Variants in PCED1B observed in about 807,000 individuals in gnomAD.
PCED1B encodes PC-esterase domain containing 1B.
For missense variants in PCED1B, 573 were observed against 573.9 expected (o/e 1.00, Z 0.02); for synonymous variants, 251 against 246.1 (o/e 1.02, Z -0.19).
At chr12:47,210,979 T>C (rs2137764454) in intron 2 of PCED1B, among the ~76,000 whole-genome samples, 1 of 152,254 alleles carries the variant, frequency 6.6e-6, no homozygotes, top group Non-Finnish European at 1.5e-5. Flanking sequence ...AATGATGCAA[T>C]ATGGGCCAAT....
At chr12:47,224,937 G>C (rs1268184982) in intron 3 of PCED1B, among the ~76,000 whole-genome samples, 1 of 151,978 alleles carries the variant, frequency 6.6e-6, no homozygotes, top group Non-Finnish European at 1.5e-5. Context: ...TTTCTTTTTC[G>C]TTTTCTTTTT....
chr12:47,220,082 A>AG (rs1555155802), intron 3 of PCED1B, among the ~76,000 whole-genome samples: 1 of 104,412 alleles, frequency 9.6e-6, no homozygotes, highest in African/African-American at 3.2e-5. Flanking sequence ...AAAAAAAAAA[A>AG]AAAAAAAAGA....
intron 3 of PCED1B, among the ~76,000 whole-genome samples, chr12:47,223,017 G>A (rs887214946): frequency 1.3e-5 from 2 of 152,098 alleles, no homozygotes; most frequent in East Asian, 3.9e-4. Flanking sequence ...TCTGAAAATG[G>A]GTGGACACAC....
At chr12:47,228,145 G>A (rs189344726) in intron 3 of PCED1B, among the ~76,000 whole-genome samples, 7 of 150,166 alleles carry the variant, frequency 4.7e-5, no homozygotes, top group African/African-American at 9.8e-5. Flanking sequence ...AGCAATTCTC[G>A]TGCCTCAGCC....
In PCED1B at chr12:47,224,044, C is replaced by G. The variant is rs551507077; in HGVS notation, c.-58+7355C>G. 2.0e-5 allele frequency: 3 copies of G among 152,310 alleles called. No homozygotes were observed. The South Asian group carries it at 6.2e-4, about 32-fold the overall frequency. The allele number at this position is 152,310 out of a possible 1,614,324, so 9.4% of individuals were successfully genotyped here. A position where few individuals can be genotyped will look rare whatever the true frequency, so the allele number is the denominator to read the frequency against. On this transcript the variant is annotated intron_variant, in intron 3 of 3. Transcript: ENST00000546455. The stretch of plus-strand genomic sequence containing the variant: ...AAGCCAGATCACCACCTTCTGGTAT[C>G]TTTCATTTGTGTTAAAGGGGTAATA...
At chr12:47,135,507 C>A in intron 2 of PCED1B, 1 of 479,406 alleles carries the variant, frequency 2.1e-6, no homozygotes, top group Admixed American at 2.3e-5. Context: ...CTTGGAAGAT[C>A]AGCACTGAGA....
chr12:47,150,055 A>G (rs553602053), intron 2 of PCED1B, among the ~76,000 whole-genome samples: 95 of 152,348 alleles, frequency 6.2e-4, no homozygotes, highest in Admixed American at 3.6e-3. Context: ...TAATTTCACA[A>G]TATACCTATG....
chr12:47,233,298 C>T (rs1301443849), intron 3 of PCED1B, among the ~76,000 whole-genome samples: 5 of 152,164 alleles, frequency 3.3e-5, no homozygotes, highest in Admixed American at 6.6e-5. Flanking sequence ...TCCGCCACCA[C>T]GCCCGGCTAA....
chr12:47,181,102 G>T (rs1942080890), intron 2 of PCED1B, among the ~76,000 whole-genome samples: 1 of 151,622 alleles, frequency 6.6e-6, no homozygotes, highest in African/African-American at 2.4e-5. Flanking sequence ...CCCCACCTCA[G>T]CCTCCTGGGT....
intron 2 of PCED1B, 104 bp downstream of exon 2, chr12:47,104,299 C>T (rs1050609035): frequency 6.6e-6 from 1 of 152,234 alleles, no homozygotes; most frequent in African/African-American, 2.4e-5. Context: ...GGGCTGTACT[C>T]TGACACTTAG....
intron 3 of PCED1B, among the ~76,000 whole-genome samples, chr12:47,225,152 G>A (rs712103): frequency 0.13 from 19,578 of 152,056 alleles, 1,321 homozygotes; most frequent in African/African-American, 0.16. Flanking sequence ...CGTTGGTCTC[G>A]AACTCCTGAT....
At chr12:47,167,940 A>G (rs1396233405) in intron 2 of PCED1B, among the ~76,000 whole-genome samples, 1 of 152,162 alleles carries the variant, frequency 6.6e-6, no homozygotes, top group African/African-American at 2.4e-5. Flanking sequence ...TGATGAGGGA[A>G]GGTGGTCGGG....
intron 3 of PCED1B, among the ~76,000 whole-genome samples, chr12:47,218,855 C>G (rs1469636949): frequency 1.3e-5 from 2 of 151,764 alleles, no homozygotes; most frequent in East Asian, 3.9e-4. Context: ...ATAGATCGGC[C>G]GCCTGTGGAA....
chr12:47,102,405 A>T (rs1163827319), intron 1 of PCED1B, among the ~76,000 whole-genome samples: 1 of 152,228 alleles, frequency 6.6e-6, no homozygotes, highest in African/African-American at 2.4e-5. Flanking sequence ...AAAGATAATA[A>T]ACTACATTCC....
intron 2 of PCED1B, among the ~76,000 whole-genome samples, chr12:47,170,383 C>G (rs1227847060): frequency 6.6e-6 from 1 of 152,216 alleles, no homozygotes; most frequent in Non-Finnish European, 1.5e-5. Context: ...GTCATCATGG[C>G]CCGTTCTCAA....
intron 2 of PCED1B, among the ~76,000 whole-genome samples, chr12:47,188,051 G>A (rs1485710400): frequency 6.6e-6 from 1 of 152,122 alleles, no homozygotes; most frequent in East Asian, 1.9e-4. Context: ...TTACCTGGAA[G>A]CACCTCTTCC....
chr12:47,149,602 A>T (rs1940916164), intron 2 of PCED1B, among the ~76,000 whole-genome samples: 1 of 152,202 alleles, frequency 6.6e-6, no homozygotes, highest in Non-Finnish European at 1.5e-5. Context: ...AGTTAGGAGG[A>T]GTATCACAAT....
intron 2 of PCED1B, among the ~76,000 whole-genome samples, chr12:47,175,071 C>A (rs768733145): frequency 3.9e-5 from 6 of 152,038 alleles, no homozygotes; most frequent in African/African-American, 9.7e-5. Flanking sequence ...TTTTTAAACA[C>A]CCTTATAATA....
intron 2 of PCED1B, among the ~76,000 whole-genome samples, chr12:47,179,252 A>C (rs1202753520): frequency 1.3e-5 from 2 of 152,210 alleles, no homozygotes; most frequent in Non-Finnish European, 2.9e-5. Context: ...GTTTCAATTA[A>C]GAAAACTAAT....
Sources: gnomAD v4.1 joint callset for allele counts (sites outside exome capture counted in the v4.1 genomes callset) on GRCh38, gnomAD v4.1.1 for gene constraint, MANE v1.5 for transcripts, NCBI Gene and HGNC (gene_info 2026-07-23, HGNC 2026-07-21) for gene names.